DDX60: variants seen among roughly 807,000 people sequenced by gnomAD.
DDX60 encodes probable ATP-dependent RNA helicase DDX60.
A neutral mutation model predicts 212.8 loss-of-function variants in DDX60; 165 were observed. The ratio of observed to expected loss-of-function variants is 0.78; its 90% CI spans 0.68 to 0.88. DDX60 has a LOEUF of 0.88. Among genes scored for constraint, DDX60 ranks in the 40% least tolerant of loss-of-function variants. DDX60 has a pLI of 0.00. For synonymous variants in DDX60, 703 were observed against 685.3 expected (o/e 1.03, Z -0.40); for missense variants, 1,905 against 2,003.9 (o/e 0.95, Z 0.94).
chr4:168,274,899 T>TA (rs1400432175), intron 16 of DDX60, among the ~76,000 whole-genome samples: 3 of 152,216 alleles, frequency 2.0e-5, no homozygotes, highest in African/African-American at 4.8e-5. Flanking sequence ...CTAAATTTTA[T>TA]ATCCCTCAAT....
chr4:168,245,607 A>G (rs946549615), intron 30 of DDX60, among the ~76,000 whole-genome samples: 25 of 152,238 alleles, frequency 1.6e-4, no homozygotes, highest in African/African-American at 5.5e-4. Flanking sequence ...CTGTAGGATC[A>G]GCCAACTCAT....
At chr4:168,247,272 T>G (rs553078310) in intron 29 of DDX60, among the ~76,000 whole-genome samples, 11 of 152,088 alleles carry the variant, frequency 7.2e-5, no homozygotes, top group Non-Finnish European at 1.5e-4. Flanking sequence ...ACATTTCAAT[T>G]CCCAAGTCCG....
rs1393708889 is a variant in DDX60 at position 168,268,952 on chromosome 4, T to C, written c.2688A>G (p.Gly896=). ...VIFDEVHCLG[G]EIGAEIWEHL... is the part of the protein sequence containing the mutation. ...GTTCCCAGATTTCTGCTCCAATTTC[T>C]CCACCAAGACAATGAACCTATTAAA... The change falls in exon 20 of 38, where the codon GGA becomes GGG. Residue 896 remains glycine, a synonymous_variant. Coordinates refer to ENST00000393743, the MANE Select transcript of DDX60 (RefSeq NM_017631.6). The C allele has an allele frequency of 3.8e-6, 6 of 1,582,152 alleles. No homozygotes were observed. Among genetic ancestry groups the C allele is most frequent in the Non-Finnish European group, 5.2e-6 (6 of 1,161,370 alleles).
intron 6 of DDX60, 120 bp from the exon 7 acceptor site, chr4:168,294,065 C>G (rs930107211): frequency 1.6e-5 from 13 of 835,144 alleles, no homozygotes; most frequent in Non-Finnish European, 2.3e-5. Flanking sequence ...ATCTGTACAA[C>G]AAACCCCCGT....
At chr4:168,300,073 C>T (rs1476961853) in intron 6 of DDX60, among the ~76,000 whole-genome samples, 4 of 152,080 alleles carry the variant, frequency 2.6e-5, no homozygotes, top group Non-Finnish European at 5.9e-5. Flanking sequence ...AATCCAACAC[C>T]ATATTAAGAA....
At chr4:168,277,216 T>C (rs955027416) in intron 14 of DDX60, among the ~76,000 whole-genome samples, 2 of 152,172 alleles carry the variant, frequency 1.3e-5, no homozygotes, top group African/African-American at 4.8e-5. Context: ...GTAGAGCACA[T>C]GGTATCCACA....
intron 33 of DDX60, among the ~76,000 whole-genome samples, chr4:168,232,396 A>G (rs986493210): frequency 6.6e-6 from 1 of 152,172 alleles, no homozygotes; most frequent in African/African-American, 2.4e-5. Flanking sequence ...AAAAGCCCAT[A>G]TAGTCAAAGG....
chr4:168,314,095 AG>A (rs1306460994), intron 1 of DDX60, among the ~76,000 whole-genome samples: 1 of 152,154 alleles, frequency 6.6e-6, no homozygotes, highest in Non-Finnish European at 1.5e-5. Context: ...ATGCGTGTAA[AG>A]CCTAATAGGC....
At position 168,217,005 on chromosome 4, in the gene DDX60, A is replaced by G. The variant is rs765694779; in HGVS notation, c.5067T>C (p.Asn1689=). 5.0e-6 allele frequency: 8 copies of G among 1,606,188 alleles called. No homozygotes were observed. Among genetic ancestry groups the G allele is most frequent in the Non-Finnish European group, 6.8e-6 (8 of 1,177,598 alleles). The change falls in exon 38 of 38, where the codon AAT becomes AAC. Residue 1689 remains asparagine, a synonymous_variant. Coordinates refer to ENST00000393743, the MANE Select transcript of DDX60 (RefSeq NM_017631.6). ...AGGCTAAGACAACGTTGTCGTCTTC[A>G]TTTTCACATAGCTCACGCAAGGAAA... ...ISVSLRELCE[N]EDDNVVLAFE...
intron 1 of DDX60, among the ~76,000 whole-genome samples, chr4:168,313,305 A>G (rs778623435): frequency 2.0e-5 from 3 of 152,196 alleles, no homozygotes; most frequent in African/African-American, 4.8e-5. Context: ...AATCAGCATC[A>G]GTTTAATGCA....
intron 32 of DDX60, 70 bp downstream of exon 32, chr4:168,237,216 T>A: frequency 9.0e-7 from 1 of 1,113,304 alleles, no homozygotes; most frequent in Non-Finnish European, 1.2e-6. Flanking sequence ...CCTGAAGTGT[T>A]GTTTTTCTAC....
chr4:168,219,423 T>C (rs932167978), intron 37 of DDX60, among the ~76,000 whole-genome samples: 1 of 152,218 alleles, frequency 6.6e-6, no homozygotes, highest in African/African-American at 2.4e-5. Context: ...GCCCAAGTTT[T>C]TGAGACAGCT....
intron 24 of DDX60, 139 bp from the exon 25 acceptor site, chr4:168,261,128 A>G (rs1412191347): frequency 1.1e-6 from 1 of 926,198 alleles, no homozygotes; most frequent in African/African-American, 1.7e-5. Context: ...GTACATTATA[A>G]AACGAGGCAA....
In DDX60 at chr4:168,238,224, T is replaced by G. The variant is rs576170890; in HGVS notation, c.4165-429A>C. On this transcript the variant is annotated intron_variant, in intron 30 of 37. Transcript: ENST00000393743. ...TATCTTTCAACTTCCCATTAAAATGTCTATGAAATTCCAAAAAAAAAAAAA... is the reference window on the plus strand; with the variant it reads ...TATCTTTCAACTTCCCATTAAAATGGCTATGAAATTCCAAAAAAAAAAAAA... Among the ~76,000 whole-genome samples the G allele has an allele frequency of 5.7e-5, 7 of 123,800 alleles. No homozygotes were observed. In the South Asian group the frequency reaches 1.9e-3, roughly 33 times the overall value. The allele number at this position is 123,800 out of a possible 152,430, so 81.2% of individuals were successfully genotyped here. A position where few individuals can be genotyped will look rare whatever the true frequency, so the allele number is the denominator to read the frequency against.
At chr4:168,267,812 C>T in intron 21 of DDX60, 29 bp downstream of exon 21, 12 of 1,564,592 alleles carry the variant, frequency 7.7e-6, no homozygotes, top group Non-Finnish European at 1.0e-5. Context: ...AAATAAAAGG[C>T]AAGCTTTATA....
intron 14 of DDX60, among the ~76,000 whole-genome samples, chr4:168,277,501 TG>T (rs1191973718): frequency 6.6e-6 from 1 of 152,118 alleles, no homozygotes; most frequent in Non-Finnish European, 1.5e-5. Flanking sequence ...CTTTTATTGG[TG>T]GTGTCAGGGA....
chr4:168,284,688 C>T lies in DDX60; in HGVS notation c.1561+132G>A, dbSNP rs578198238. On this transcript the variant is annotated intron_variant, in intron 12 of 37. Transcript: ENST00000393743. ...TTTCATTACCATCTTTCCCAATGCA[C>T]ATCTAAATATCTTGTAGACTATTTT... 2.9e-5 allele frequency: 14 copies of T among 479,036 alleles called. No homozygotes were observed. The East Asian group carries it at 3.1e-4, about 11-fold the overall frequency. 29.7% of individuals were successfully genotyped at this position (479,036 alleles called of 1,614,324 possible).
chr4:168,308,549 T>C lies in DDX60; in HGVS notation c.75-354A>G, dbSNP rs367698227. 7.9e-5 allele frequency among the ~76,000 whole-genome samples: 12 copies of C among 152,048 alleles called. No homozygotes were observed. The South Asian group carries it at 1.7e-3, about 21-fold the overall frequency. On this transcript the variant is annotated intron_variant, in intron 3 of 37. Transcript: ENST00000393743. ...TTACAAGTGGATTCACTGATGGCTATTGACAAATTAAGCAAGAGGAAACTG... is the reference window on the plus strand; with the variant it reads ...TTACAAGTGGATTCACTGATGGCTACTGACAAATTAAGCAAGAGGAAACTG...
chr4:168,256,341 C>A lies in DDX60; in HGVS notation c.3399-472G>T, dbSNP rs971322308. On this transcript the variant is annotated intron_variant, in intron 25 of 37. Coordinates refer to ENST00000393743, the MANE Select transcript of DDX60 (RefSeq NM_017631.6). ...TGTTCTTTTGGTAGAAGGTGAGAAC[C>A]TATGATTCTTTCCCAAAGAATAAAC... 2.6e-5 allele frequency among the ~76,000 whole-genome samples: 4 copies of A among 152,152 alleles called. No individual in the cohort carries two copies. In the East Asian group the frequency reaches 5.8e-4, roughly 22 times the overall value.
Sources: allele counts gnomAD v4.1 joint callset (sites outside exome capture counted in the v4.1 genomes callset), GRCh38; gene constraint gnomAD v4.1.1; transcripts MANE v1.5; gene names NCBI Gene and HGNC (gene_info 2026-07-23, HGNC 2026-07-21).